TENM2: variants seen among roughly 807,000 people sequenced by gnomAD.
TENM2 encodes teneurin-2.
In TENM2, 52 loss-of-function variants were observed where a neutral mutation model predicts 245.2. The observed-to-expected ratio is 0.21, with a 90% CI of 0.17 to 0.27. TENM2 has a LOEUF of 0.27. Ranked by LOEUF, TENM2 falls within the 10% of genes least tolerant of loss-of-function variation. The probability of loss-of-function intolerance (pLI) is 1.00; values close to 1 mark genes in which losing one functional copy is unlikely to be tolerated. For synonymous variants in TENM2, 1,363 were observed against 1,438.9 expected, an observed-to-expected ratio of 0.95 and a Z score of 1.19; for missense variants, 3,046 against 3,666.8, an observed-to-expected ratio of 0.83 and a Z score of 4.37.
rs147696722 is a variant in TENM2 at position 167,907,833 on chromosome 5, C to T, written c.712+31638C>T. On this transcript the variant is annotated intron_variant, in intron 3 of 28. Transcript: ENST00000518659. ...CCCCACCACAGAGATAAAAGTTCCACGAACCTTGCATTAATAACCATGCAG... is the reference window on the plus strand; with the variant it reads ...CCCCACCACAGAGATAAAAGTTCCATGAACCTTGCATTAATAACCATGCAG... Among the ~76,000 whole-genome samples, 1,092 of 151,910 alleles carry T rather than the reference C, an allele frequency of 7.2e-3. 24 individuals are homozygous for T. The highest frequency in any genetic ancestry group is 0.025 in the African/African-American group (1,040 of 41,438).
intron 2 of TENM2, among the ~76,000 whole-genome samples, chr5:167,387,368 TG>T (rs1324532458): frequency 6.6e-6 from 1 of 152,168 alleles, no homozygotes; most frequent in Non-Finnish European, 1.5e-5. Flanking sequence ...ACACTAACTT[TG>T]TATCCGGAAA....
chr5:167,141,853 A>G, the TENM2 span, among the ~76,000 whole-genome samples: 2 of 152,196 alleles, frequency 1.3e-5, no homozygotes, highest in South Asian at 2.1e-4. Flanking sequence ...ATAATGTGGG[A>G]CTGATACATA....
chr5:167,988,066 C>T (rs1309533795), intron 4 of TENM2, among the ~76,000 whole-genome samples: 1 of 152,130 alleles, frequency 6.6e-6, no homozygotes, highest in Non-Finnish European at 1.5e-5. Context: ...TTATGCAGTG[C>T]TGAAAAGCAT....
the TENM2 span, among the ~76,000 whole-genome samples, chr5:167,218,404 A>G: frequency 7.9e-5 from 12 of 152,020 alleles, no homozygotes; most frequent in Non-Finnish European, 1.6e-4. Context: ...TTATTTCTAC[A>G]CTTTTCTCAG....
intron 2 of TENM2, among the ~76,000 whole-genome samples, chr5:167,818,362 G>A (rs960360740): frequency 6.6e-6 from 1 of 152,148 alleles, no homozygotes; most frequent in African/African-American, 2.4e-5. Context: ...TCATGCATGT[G>A]TGAACCTCGT....
At chr5:168,241,008 A>G (rs1766046203) in intron 25 of TENM2, 1 of 152,186 alleles carries the variant, frequency 6.6e-6, no homozygotes, top group South Asian at 2.1e-4. Flanking sequence ...CTTTCTGACC[A>G]CCACTGTGTG....
At chr5:167,914,940 AC>A (rs1470776345) in intron 3 of TENM2, among the ~76,000 whole-genome samples, 1 of 152,146 alleles carries the variant, frequency 6.6e-6, no homozygotes, top group Non-Finnish European at 1.5e-5. Context: ...TTCACTAGTT[AC>A]ATCTGCAATA....
intron 2 of TENM2, among the ~76,000 whole-genome samples, chr5:167,410,716 T>C (rs1762863433): frequency 6.6e-6 from 1 of 152,090 alleles, no homozygotes; most frequent in Admixed American, 6.6e-5. Context: ...GCAACTTCCC[T>C]GTCATTCTTA....
At chr5:167,535,562 A>C (rs1287039620) in intron 2 of TENM2, among the ~76,000 whole-genome samples, 1 of 152,214 alleles carries the variant, frequency 6.6e-6, no homozygotes, top group Non-Finnish European at 1.5e-5. Flanking sequence ...TGATTCAGAC[A>C]CGATGACTAC....
intron 2 of TENM2, among the ~76,000 whole-genome samples, chr5:167,830,572 G>A (rs903755792): frequency 2.6e-5 from 4 of 152,200 alleles, no homozygotes; most frequent in African/African-American, 9.7e-5. Flanking sequence ...AGTCTAGTAG[G>A]AGAGCAGGAC....
At chr5:167,337,567 T>C in intron 1 of TENM2, among the ~76,000 whole-genome samples, 1 of 152,182 alleles carries the variant, frequency 6.6e-6, no homozygotes, top group Non-Finnish European at 1.5e-5. Flanking sequence ...TAATTATTTG[T>C]AAAAATGTTG....
At chr5:167,835,577 C>G (rs1452597089) in intron 2 of TENM2, among the ~76,000 whole-genome samples, 1 of 152,140 alleles carries the variant, frequency 6.6e-6, no homozygotes. Flanking sequence ...TTAGAACCAA[C>G]TGGACAGAGT....
At chr5:167,033,222 T>A in the TENM2 span, among the ~76,000 whole-genome samples, 2 of 152,242 alleles carry the variant, frequency 1.3e-5, no homozygotes, top group African/African-American at 2.4e-5. Context: ...TGCACATCTA[T>A]AATTCACATC....
intron 2 of TENM2, among the ~76,000 whole-genome samples, chr5:167,386,881 T>A (rs1346497868): frequency 6.6e-6 from 1 of 152,206 alleles, no homozygotes; most frequent in Non-Finnish European, 1.5e-5. Flanking sequence ...CCTATTTTTA[T>A]ACCAGTACTG....
chr5:167,720,032 A>G (rs1561704010), intron 2 of TENM2, among the ~76,000 whole-genome samples: 1 of 152,328 alleles, frequency 6.6e-6, no homozygotes, highest in African/African-American at 2.4e-5. Flanking sequence ...CTAAGATCCA[A>G]TAAACTGAGG....
the TENM2 span, among the ~76,000 whole-genome samples, chr5:167,180,471 C>G: frequency 6.6e-6 from 1 of 152,074 alleles, no homozygotes; most frequent in Non-Finnish European, 1.5e-5. Flanking sequence ...CTGACCTGAC[C>G]AGTTATCTGT....
At chr5:167,762,559 G>T (rs1276990790) in intron 2 of TENM2, among the ~76,000 whole-genome samples, 1 of 152,144 alleles carries the variant, frequency 6.6e-6, no homozygotes, top group Non-Finnish European at 1.5e-5. Flanking sequence ...GCAATGGTGA[G>T]GTTAGGCATG....
intron 3 of TENM2, among the ~76,000 whole-genome samples, chr5:167,877,267 T>C (rs1773504000): frequency 6.6e-6 from 1 of 152,132 alleles, no homozygotes; most frequent in Admixed American, 6.5e-5. Context: ...ACCTCTACAA[T>C]TAGAGAGGAC....
At chr5:167,590,173 T>C (rs1473557587) in intron 2 of TENM2, among the ~76,000 whole-genome samples, 1 of 151,982 alleles carries the variant, frequency 6.6e-6, no homozygotes, top group African/African-American at 2.4e-5. Context: ...GTTGTATTCA[T>C]AGCCAATATT....
Sources: gnomAD v4.1 joint callset for allele counts (sites outside exome capture counted in the v4.1 genomes callset) on GRCh38, gnomAD v4.1.1 for gene constraint, MANE v1.5 for transcripts, NCBI Gene and HGNC (gene_info 2026-07-23, HGNC 2026-07-21) for gene names.